The following GRM5 variants were observed in gnomAD, a reference collection of about 807,000 sequenced individuals.
GRM5 encodes metabotropic glutamate receptor 5.
In GRM5, 19 loss-of-function variants were observed where a neutral mutation model predicts 83.1. The observed-to-expected ratio is 0.23, with a 90% CI of 0.16 to 0.34. The LOEUF is 0.34. Among genes scored for constraint, GRM5 ranks in the 10% least tolerant of loss-of-function variants. GRM5 has a pLI of 1.00. For synonymous variants in GRM5, 675 were observed against 633.6 expected (o/e 1.07, Z -0.98); for missense variants, 1,160 against 1,588.3 (o/e 0.73, Z 4.58).
intron 3 of GRM5, among the ~76,000 whole-genome samples, chr11:88,773,585 G>A (rs950305183): frequency 2.6e-5 from 4 of 152,090 alleles, no homozygotes; most frequent in African/African-American, 4.8e-5. Flanking sequence ...ATGGTTTTAG[G>A]TCTAACATTT....
In GRM5 at chr11:89,024,414, T is replaced by C. The variant is rs558942103; in HGVS notation, c.661+22798A>G. Among the ~76,000 whole-genome samples, 36 of 152,322 alleles carry C rather than the reference T, an allele frequency of 2.4e-4. No homozygotes were observed. The South Asian group carries it at 7.3e-3, about 31-fold the overall frequency. ...CCTCCTTTAATTTCAGACTCTTATA[T>C]CAGGATCTTCATAGCAAAAATAATT... On this transcript the variant is annotated intron_variant, in intron 2 of 9. Coordinates refer to ENST00000305447, the MANE Select transcript of GRM5 (RefSeq NM_001143831.3).
chr11:88,958,304 G>A (rs1207938888), intron 2 of GRM5, among the ~76,000 whole-genome samples: 2 of 150,246 alleles, frequency 1.3e-5, no homozygotes, highest in African/African-American at 4.9e-5. Context: ...ATAGTATCCT[G>A]TTCACCTCTC....
chr11:88,830,604 T>C (rs980149020), intron 3 of GRM5, among the ~76,000 whole-genome samples: 3 of 151,542 alleles, frequency 2.0e-5, no homozygotes, highest in Non-Finnish European at 2.9e-5. Flanking sequence ...TGACCCCTAA[T>C]GGTCCATATC....
intron 4 of GRM5, among the ~76,000 whole-genome samples, chr11:88,636,129 T>G (rs976826283): frequency 1.3e-5 from 2 of 152,200 alleles, no homozygotes; most frequent in African/African-American, 4.8e-5. Flanking sequence ...ATCACTTATT[T>G]TTTTCTTGAC....
intron 3 of GRM5, among the ~76,000 whole-genome samples, chr11:88,802,631 A>G (rs866098200): frequency 6.6e-5 from 10 of 151,758 alleles, no homozygotes; most frequent in African/African-American, 9.7e-5. Flanking sequence ...GCACAAGACA[A>G]GGATGCCCTC....
chr11:88,617,728 CG>C (rs992755742), intron 4 of GRM5, among the ~76,000 whole-genome samples: 2 of 152,172 alleles, frequency 1.3e-5, no homozygotes, highest in Admixed American at 6.5e-5. Context: ...CAACAGTGTG[CG>C]GGGGAAAATT....
intron 3 of GRM5, among the ~76,000 whole-genome samples, chr11:88,845,862 C>G (rs1323537385): frequency 6.6e-6 from 1 of 152,084 alleles, no homozygotes; most frequent in Non-Finnish European, 1.5e-5. Context: ...TTGAAAATGA[C>G]TGAATTTGGA....
chr11:89,062,662 T>A (rs551288245), intron 1 of GRM5, among the ~76,000 whole-genome samples: 1 of 152,320 alleles, frequency 6.6e-6, no homozygotes, highest in Non-Finnish European at 1.5e-5. Context: ...TGTTATCCTC[T>A]CCTAAATTTC....
chr11:88,941,979 G>C (rs144897852), intron 2 of GRM5, among the ~76,000 whole-genome samples: 26 of 151,996 alleles, frequency 1.7e-4, no homozygotes, highest in African/African-American at 6.3e-4. Flanking sequence ...GAAGACAGTT[G>C]CTTCATGAAG....
At position 88,506,659 on chromosome 11, in the gene GRM5, A is replaced by C. The variant is rs576060766; in HGVS notation, c.*1933T>G. Reference sequence around the variant, plus strand: ...TTTTAAATTAATACTTTAGTACATTAATGTTAGCTTTTAATGTTTTGTATT... The same window carrying C: ...TTTTAAATTAATACTTTAGTACATTCATGTTAGCTTTTAATGTTTTGTATT... On this transcript the variant is annotated 3_prime_UTR_variant, in exon 10 of 10. Transcript: ENST00000305447. 2 of 152,202 alleles carry C rather than the reference A, an allele frequency of 1.3e-5. No homozygotes were observed. The highest frequency in any genetic ancestry group is 3.8e-4 in the East Asian group (2 of 5,200). 9.4% of individuals were successfully genotyped at this position (152,202 alleles called of 1,614,324 possible).
chr11:88,829,231 C>A (rs1473836838), intron 3 of GRM5, among the ~76,000 whole-genome samples: 2 of 152,124 alleles, frequency 1.3e-5, no homozygotes, highest in Non-Finnish European at 2.9e-5. Context: ...GAGGACAAGG[C>A]AGGCAGATCA....
chr11:88,757,397 C>T (rs1942416943), intron 3 of GRM5, among the ~76,000 whole-genome samples: 1 of 152,184 alleles, frequency 6.6e-6, no homozygotes, highest in Admixed American at 6.5e-5. Context: ...TACCCTACTG[C>T]CATTGCAGTT....
chr11:88,635,831 C>T (rs762038342), intron 4 of GRM5, among the ~76,000 whole-genome samples: 2 of 152,222 alleles, frequency 1.3e-5, no homozygotes, highest in East Asian at 1.9e-4. Context: ...TATGTTTAAG[C>T]CTTTAATTCA....
At chr11:88,604,646 A>G in intron 5 of GRM5, 72 bp downstream of exon 5, 1 of 1,259,648 alleles carries the variant, frequency 7.9e-7, no homozygotes, top group Non-Finnish European at 1.1e-6. Flanking sequence ...AAGGAGAGAA[A>G]GAGACATTTC....
intron 3 of GRM5, among the ~76,000 whole-genome samples, chr11:88,777,400 G>T (rs1437001333): frequency 6.6e-6 from 1 of 152,136 alleles, no homozygotes; most frequent in East Asian, 1.9e-4. Context: ...TTAGCTTGGA[G>T]AAATTTGTTA....
chr11:88,981,069 T>C (rs989313515), intron 2 of GRM5, among the ~76,000 whole-genome samples: 1 of 152,186 alleles, frequency 6.6e-6, no homozygotes, highest in Non-Finnish European at 1.5e-5. Flanking sequence ...TTTGCCTATA[T>C]TCTCTTCTCA....
intron 3 of GRM5, among the ~76,000 whole-genome samples, chr11:88,672,736 A>G (rs1591430605): frequency 6.6e-6 from 1 of 152,062 alleles, no homozygotes; most frequent in Admixed American, 6.6e-5. Flanking sequence ...TATATAATAC[A>G]TAATAATTAC....
chr11:88,976,611 A>G (rs1939345570), intron 2 of GRM5, among the ~76,000 whole-genome samples: 1 of 152,092 alleles, frequency 6.6e-6, no homozygotes, highest in African/African-American at 2.4e-5. Context: ...AGATTTGAGG[A>G]GGAGGTTGAT....
At chr11:88,977,363 C>T in intron 2 of GRM5, among the ~76,000 whole-genome samples, 1 of 152,002 alleles carries the variant, frequency 6.6e-6, no homozygotes, top group Non-Finnish European at 1.5e-5. Context: ...CAGGCGCCCG[C>T]CACCACACCC....
Sources: allele counts gnomAD v4.1 joint callset (sites outside exome capture counted in the v4.1 genomes callset), GRCh38; gene constraint gnomAD v4.1.1; transcripts MANE v1.5; gene names NCBI Gene and HGNC (gene_info 2026-07-23, HGNC 2026-07-21).